The following MGAM variants were observed in gnomAD, a reference collection of about 807,000 sequenced individuals.
MGAM encodes alpha-1,4-glucosidase.
A neutral mutation model predicts 358.8 loss-of-function variants in MGAM; 253 were observed. The observed-to-expected ratio is 0.71, with a 90% confidence interval of 0.64 to 0.78. The LOEUF (loss-of-function observed/expected upper bound fraction) is 0.78. Among genes scored for constraint, MGAM ranks in the 30% least tolerant of loss-of-function variants. The pLI, the probability that MGAM is intolerant of heterozygous loss-of-function variation, is 0.00. For missense variants in MGAM, 3,080 were observed against 3,432.6 expected, an observed-to-expected ratio of 0.90 and a Z score of 2.57; for synonymous variants, 1,105 against 1,227.1, an observed-to-expected ratio of 0.90 and a Z score of 2.08.
At position 142,082,556 on chromosome 7, in the gene MGAM, A is replaced by T. The variant is rs1386860458; in HGVS notation, c.6253A>T (p.Asn2085Tyr). The T allele has an allele frequency of 3.3e-6, 5 of 1,522,542 alleles. No individual in the cohort carries two copies. Among genetic ancestry groups the T allele is most frequent in the Non-Finnish European group, 3.6e-6 (4 of 1,115,434 alleles). 94.3% of individuals were successfully genotyped at this position (1,522,542 alleles called of 1,614,324 possible). The change falls in exon 52 of 71, where the codon AAC becomes TAC. Residue 2085 changes from asparagine to tyrosine, a missense_variant. Coordinates refer to ENST00000475668, the MANE Select transcript of MGAM (RefSeq NM_001365693.1). ...DGSAHGVLLLNSNAMDVTFQP... is the reference protein window; with the variant it reads ...DGSAHGVLLLYSNAMDVTFQP... ...CAGTGCCCATGGAGTGCTCCTGCTG[A>T]ACAGCAATGCCATGGGTAAGGCCAT... is the stretch of plus-strand genomic sequence containing the variant.
intron 21 of MGAM, among the ~76,000 whole-genome samples, chr7:142,042,949 A>T (rs1329408526): frequency 3.1e-5 from 2 of 63,624 alleles, no homozygotes; most frequent in Non-Finnish European, 5.4e-5. Context: ...TATATATATT[A>T]TATATACATA....
At chr7:142,087,784 A>G (rs1331869892) in intron 57 of MGAM, among the ~76,000 whole-genome samples, 1 of 146,498 alleles carries the variant, frequency 6.8e-6, no homozygotes, top group African/African-American at 2.4e-5. Flanking sequence ...TCAAGTATTA[A>G]TCAGACAAAT....
rs1416455656 is a variant in MGAM at position 142,038,057 on chromosome 7, C to CT, written c.2232-473dup. Among the ~76,000 whole-genome samples the CT allele has an allele frequency of 2.0e-4, 30 of 152,184 alleles. 1 individual carries two copies. Among genetic ancestry groups the CT allele is most frequent in the African/African-American group, 7.2e-4 (30 of 41,524 alleles). On this transcript the variant is annotated intron_variant, in intron 18 of 70. Transcript: ENST00000475668. ...TCTTGACCTCCCTCCCAGCCCCTCA[C>CT]TACCCTTCCCAGCCTCTGGTAACCG...
chr7:142,038,822 C>T (rs1396868071), intron 19 of MGAM, among the ~76,000 whole-genome samples: 3 of 152,098 alleles, frequency 2.0e-5, no homozygotes, highest in Non-Finnish European at 2.9e-5. Context: ...GATCAAGTTC[C>T]CAACCAGTTT....
At chr7:141,989,085 AGTGTGTGTGT>A (rs141747720) in intron 2 of MGAM, among the ~76,000 whole-genome samples, 1 of 141,280 alleles carries the variant, frequency 7.1e-6, no homozygotes, top group Non-Finnish European at 1.6e-5. Context: ...TGTGCTTGTG[AGTGTGTGTGT>A]GTGTGTGTGT....
intron 3 of MGAM, among the ~76,000 whole-genome samples, chr7:142,016,494 G>A (rs1395164467): frequency 1.3e-5 from 2 of 152,092 alleles, no homozygotes; most frequent in Non-Finnish European, 2.9e-5. Context: ...AGTTTTAGCT[G>A]TAATATCTTG....
At chr7:141,999,420 C>A (rs1554449970) in intron 1 of MGAM, among the ~76,000 whole-genome samples, 2 of 152,166 alleles carry the variant, frequency 1.3e-5, no homozygotes, top group South Asian at 2.1e-4. Context: ...TGGTTAAAAG[C>A]CATGGCTGTG....
chr7:142,067,981 T>TAA (rs1812978685), intron 42 of MGAM, among the ~76,000 whole-genome samples: 3 of 5,592 alleles, frequency 5.4e-4, no homozygotes, highest in Non-Finnish European at 1.5e-3. Flanking sequence ...TATATATATA[T>TAA]ATATATTTTT....
At chr7:142,038,081 C>T (rs555669828) in intron 18 of MGAM, among the ~76,000 whole-genome samples, 5 of 152,052 alleles carry the variant, frequency 3.3e-5, no homozygotes, top group Admixed American at 2.6e-4. Flanking sequence ...CTCTGGTAAC[C>T]GTCCTTCTAC....
chr7:141,986,665 G>C (rs1405475731), intron 2 of MGAM, among the ~76,000 whole-genome samples: 6 of 152,174 alleles, frequency 3.9e-5, no homozygotes, highest in African/African-American at 1.4e-4. Flanking sequence ...GCAGAATTTA[G>C]TGTTTGATGT....
At chr7:142,080,045 T>G (rs1814112511) in intron 49 of MGAM, among the ~76,000 whole-genome samples, 1 of 146,742 alleles carries the variant, frequency 6.8e-6, no homozygotes, top group African/African-American at 2.4e-5. Flanking sequence ...GCCTTCGTGG[T>G]TGTTATTCTT....
chr7:142,049,323 A>G (rs928002658), intron 22 of MGAM, among the ~76,000 whole-genome samples: 5 of 152,210 alleles, frequency 3.3e-5, no homozygotes, highest in Non-Finnish European at 7.3e-5. Context: ...AAAAACTTAA[A>G]TGTAAGGGTT....
At chr7:142,010,668 C>T (rs1214803007) in intron 3 of MGAM, among the ~76,000 whole-genome samples, 1 of 152,084 alleles carries the variant, frequency 6.6e-6, no homozygotes, top group Non-Finnish European at 1.5e-5. Context: ...CTCTTTTTTA[C>T]ATCCAACTTT....
Position 142,076,582 on chromosome 7 carries a change from T to A in MGAM, c.5326-77T>A, listed in dbSNP as rs1028530166. ...GCAGTGGGGGGTATCCAGTCTGGAA[T>A]AGAATATATGAGTGACTTGAGAATC... On this transcript the variant is annotated intron_variant, in intron 46 of 70. Coordinates refer to ENST00000475668, the MANE Select transcript of MGAM (RefSeq NM_001365693.1). The A allele has an allele frequency of 2.4e-6, 3 of 1,268,916 alleles. No homozygotes were observed. In the East Asian group the frequency reaches 7.4e-5, roughly 31 times the overall value. The allele number at this position is 1,268,916 out of a possible 1,614,324, so 78.6% of individuals were successfully genotyped here. A position where few individuals can be genotyped will look rare whatever the true frequency, so the allele number is the denominator to read the frequency against.
Position 142,012,339 on chromosome 7 carries a change from A to C in MGAM, c.327+3634A>C, listed in dbSNP as rs372542102. Among the ~76,000 whole-genome samples, 6 of 152,318 alleles carry C rather than the reference A, an allele frequency of 3.9e-5. No homozygotes were observed. In the East Asian group the frequency reaches 7.7e-4, roughly 20 times the overall value. On this transcript the variant is annotated intron_variant, in intron 3 of 70. Transcript: ENST00000475668. ...CATCTTGTGAGGACCTTCTTGCTGC[A>C]TCCTCACATGGCAGCACGTAGACAG...
At chr7:142,067,968 ATATATATATATATATATATTTTTT>A (rs1563191320) in intron 42 of MGAM, among the ~76,000 whole-genome samples, 2 of 5,074 alleles carry the variant, frequency 3.9e-4, no homozygotes, top group East Asian at 0.028. Context: ...ATATATAAAT[ATATATATATATATATATATTTTTT>A]TTTTTTTTTT....
At position 142,099,562 on chromosome 7, in the gene MGAM, G is replaced by A. The variant is rs186184468; in HGVS notation, c.7750-51G>A. 9.9e-6 allele frequency: 16 copies of A among 1,613,136 alleles called. No homozygotes were observed. In the East Asian group the frequency reaches 1.1e-4, roughly 11 times the overall value. ...GATGTCTGGCAGGATGCATTGTTCAGGGAGGGGCCTGTCCTCTCCTTAGTC... is the reference window on the plus strand; with the variant it reads ...GATGTCTGGCAGGATGCATTGTTCAAGGAGGGGCCTGTCCTCTCCTTAGTC... On this transcript the variant is annotated intron_variant, in intron 66 of 70. Coordinates refer to ENST00000475668, the MANE Select transcript of MGAM (RefSeq NM_001365693.1).
intron 57 of MGAM, 43 bp downstream of exon 57, chr7:142,086,760 G>T: frequency 1.0e-6 from 1 of 972,046 alleles, no homozygotes. Context: ...GGGTTTCTAG[G>T]AAGGGGCAGC....
At chr7:142,102,115 A>C (rs1161179618) in intron 68 of MGAM, among the ~76,000 whole-genome samples, 1 of 152,128 alleles carries the variant, frequency 6.6e-6, no homozygotes. Context: ...AAGGACAAAG[A>C]AGGCTTTTCT....
Sources: gnomAD v4.1 joint callset for allele counts (sites outside exome capture counted in the v4.1 genomes callset) on GRCh38, gnomAD v4.1.1 for gene constraint, MANE v1.5 for transcripts, NCBI Gene and HGNC (gene_info 2026-07-23, HGNC 2026-07-21) for gene names.